Variants in CORIN observed in about 807,000 individuals in gnomAD.
CORIN encodes the protein corin, serine peptidase.
Under a neutral mutation model 125.3 loss-of-function variants are expected in CORIN, and 117 were observed. The ratio of observed to expected loss-of-function variants is 0.93; its 90% confidence interval spans 0.80 to 1.09. CORIN has a LOEUF of 1.09. Among genes scored for constraint, CORIN ranks in the 50% least tolerant of loss-of-function variants. The pLI, the probability that CORIN is intolerant of heterozygous loss-of-function variation, is 0.00. For synonymous variants in CORIN, 450 were observed against 466.4 expected, an observed-to-expected ratio of 0.96 and a Z score of 0.45; for missense variants, 1,253 against 1,306.7, an observed-to-expected ratio of 0.96 and a Z score of 0.63.
intron 19 of CORIN, among the ~76,000 whole-genome samples, chr4:47,618,330 A>AT (rs1722148926): frequency 1.5e-5 from 1 of 66,376 alleles, no homozygotes; most frequent in African/African-American, 6.4e-5. Context: ...GTGAAACTCC[A>AT]TCAAAAAAAA....
At chr4:47,643,346 G>T (rs984847765) in intron 14 of CORIN, 90 bp from the exon 15 acceptor site, 68 of 1,217,766 alleles carry the variant, frequency 5.6e-5, no homozygotes, top group Non-Finnish European at 7.7e-5. Context: ...GCCAGCAGGA[G>T]CATGGAAAGA....
intron 6 of CORIN, among the ~76,000 whole-genome samples, chr4:47,691,874 A>G (rs983108087): frequency 6.6e-6 from 1 of 152,234 alleles, no homozygotes; most frequent in Non-Finnish European, 1.5e-5. Flanking sequence ...GTCCTAGCCC[A>G]TCAGATGAAA....
At chr4:47,664,496 G>A (rs1724382684) in intron 11 of CORIN, among the ~76,000 whole-genome samples, 1 of 152,150 alleles carries the variant, frequency 6.6e-6, no homozygotes, top group South Asian at 2.1e-4. Context: ...CAATACTCTT[G>A]ACACTAGAAT....
chr4:47,648,844 C>T (rs1723607565), intron 13 of CORIN, among the ~76,000 whole-genome samples: 1 of 152,106 alleles, frequency 6.6e-6, no homozygotes. Flanking sequence ...CAGTGTCTGC[C>T]CCAGGAAGTG....
chr4:47,723,330 G>A (rs2109801413), intron 5 of CORIN, among the ~76,000 whole-genome samples: 1 of 152,264 alleles, frequency 6.6e-6, no homozygotes, highest in East Asian at 1.9e-4. Flanking sequence ...ACAGAGCTAT[G>A]TATAAAGTCC....
Position 47,661,478 on chromosome 4 carries a change from A to G in CORIN, c.1735+233T>C, listed in dbSNP as rs1724246376. The G allele has an allele frequency of 8.7e-6, 4 of 461,870 alleles. No homozygotes were observed. The East Asian group carries it at 1.4e-4, about 16-fold the overall frequency. The allele number at this position is 461,870 out of a possible 1,614,324, so 28.6% of individuals were successfully genotyped here. ...ATACACCTATGTACCCACAAAAATA[A>G]AAGAATAGAAATAGAAAATGACTTC... On this transcript the variant is annotated intron_variant, in intron 12 of 21. Coordinates refer to ENST00000273857, the MANE Select transcript of CORIN (RefSeq NM_006587.4).
chr4:47,725,430 A>G (rs1727544100), intron 5 of CORIN, among the ~76,000 whole-genome samples: 1 of 152,178 alleles, frequency 6.6e-6, no homozygotes, highest in Non-Finnish European at 1.5e-5. Flanking sequence ...GAGCACATAA[A>G]TTAATGAAAC....
rs900260253 is a variant in CORIN, at chr4:47,715,728, G to A, written c.800-22645C>T. On this transcript the variant is annotated intron_variant, in intron 5 of 21. Coordinates refer to ENST00000273857, the MANE Select transcript of CORIN (RefSeq NM_006587.4). ...TAACATTGGTCCCATGATCATAATC[G>A]TCATAATATTCTTCAGACACATAAA... Among the ~76,000 whole-genome samples the A allele has an allele frequency of 9.2e-5, 14 of 152,300 alleles. 1 individual carries two copies. Among genetic ancestry groups the A allele is most frequent in the African/African-American group, 2.2e-4 (9 of 41,570 alleles).
chr4:47,616,024 T>C (rs1042037167), intron 19 of CORIN, among the ~76,000 whole-genome samples: 4 of 152,192 alleles, frequency 2.6e-5, no homozygotes, highest in African/African-American at 9.7e-5. Flanking sequence ...TGGGGGAAGT[T>C]TGTGAAGCAA....
In CORIN at chr4:47,786,851, C is replaced by T. The variant is rs186748019; in HGVS notation, c.283G>A (p.Asp95Asn). 2.5e-4 allele frequency: 410 copies of T among 1,613,760 alleles called. 3 individuals carry two copies. The South Asian group carries it at 2.9e-3, about 12-fold the overall frequency. ...LVTDGEIQGS[D>N]VILTNTIYNQ... ...TAAATTGTATTTGTAAGAATAACATCGGACCCTTGGATTTCACCATCAGTG... is the reference window on the plus strand; with the variant it reads ...TAAATTGTATTTGTAAGAATAACATTGGACCCTTGGATTTCACCATCAGTG... The change falls in exon 3 of 22, where the codon GAT (aspartate) becomes AAT (asparagine). Residue 95 changes from aspartate to asparagine, a missense_variant. Physicochemically the swap from Asp to Asn is conservative, Grantham distance 23. Coordinates refer to ENST00000273857, the MANE Select transcript of CORIN (RefSeq NM_006587.4).
chr4:47,765,050 T>C (rs941785815), intron 3 of CORIN, among the ~76,000 whole-genome samples: 3 of 152,078 alleles, frequency 2.0e-5, no homozygotes, highest in Admixed American at 6.5e-5. Flanking sequence ...GGTGGCTCAC[T>C]CCTGTAATCC....
At chr4:47,716,151 A>G (rs978063628) in intron 5 of CORIN, among the ~76,000 whole-genome samples, 1 of 152,220 alleles carries the variant, frequency 6.6e-6, no homozygotes, top group Admixed American at 6.5e-5. Context: ...GAGGCACTAA[A>G]GAGTAACAGG....
In CORIN at chr4:47,603,655, C is replaced by CG; in HGVS notation, c.2553_2554insC (p.Ala852ArgfsTer41). The CG allele has an allele frequency of 6.2e-7, 1 of 1,613,140 alleles. No individual in the cohort carries two copies. The highest frequency in any genetic ancestry group is 1.7e-5 in the Admixed American group (1 of 60,010). ...ATGCCAAGCACCACTTTCCAAACTG[C>CG]AGCATTCTCTCTCCTAAAATTATAA... is the stretch of plus-strand genomic sequence containing the variant. On this transcript the variant is annotated frameshift_variant, in exon 20 of 22. Transcript: ENST00000273857. LOFTEE classifies it high-confidence loss of function.
intron 5 of CORIN, among the ~76,000 whole-genome samples, chr4:47,693,966 T>C (rs1698605752): frequency 6.6e-6 from 1 of 152,242 alleles, no homozygotes; most frequent in Non-Finnish European, 1.5e-5. Flanking sequence ...AATCATCTTA[T>C]TTCTTAGACT....
At chr4:47,679,210 A>G (rs1725152549) in intron 8 of CORIN, among the ~76,000 whole-genome samples, 1 of 152,166 alleles carries the variant, frequency 6.6e-6, no homozygotes, top group Admixed American at 6.5e-5. Context: ...CTATTCAATC[A>G]TGTATATTAT....
intron 21 of CORIN, 111 bp from the exon 22 acceptor site, chr4:47,596,014 G>GCTTTGTTGAAAC: frequency 1.3e-6 from 1 of 791,742 alleles, no homozygotes; most frequent in Non-Finnish European, 1.9e-6. Context: ...AACTTGGAAA[G>GCTTTGTTGAAAC]TTTCAACAAA....
chr4:47,795,928 G>T (rs1456013008), intron 2 of CORIN, among the ~76,000 whole-genome samples: 1 of 152,050 alleles, frequency 6.6e-6, no homozygotes, highest in African/African-American at 2.4e-5. Flanking sequence ...TCACATCATG[G>T]TTGTTATGAT....
intron 1 of CORIN, among the ~76,000 whole-genome samples, chr4:47,824,069 G>T (rs1054254500): frequency 3.3e-5 from 5 of 151,356 alleles, no homozygotes; most frequent in Non-Finnish European, 7.4e-5. Flanking sequence ...GCAAGGAATA[G>T]GAAAATCCAA....
intron 4 of CORIN, among the ~76,000 whole-genome samples, chr4:47,763,002 G>A (rs1169846128): frequency 2.0e-5 from 3 of 151,994 alleles, no homozygotes; most frequent in South Asian, 4.2e-4. Context: ...CTGTATCCCC[G>A]TATCATGAGA....
Sources: gnomAD v4.1 joint callset for allele counts (sites outside exome capture counted in the v4.1 genomes callset) on GRCh38, gnomAD v4.1.1 for gene constraint, MANE v1.5 for transcripts, NCBI Gene and HGNC (gene_info 2026-07-23, HGNC 2026-07-21) for gene names.